Variants in TNNI3K observed in about 807,000 individuals in gnomAD.
The protein encoded by TNNI3K is TNNI3 interacting kinase.
In TNNI3K, 140 loss-of-function variants were observed where a neutral mutation model predicts 114.5. The observed-to-expected ratio is 1.22, with a 90% confidence interval of 1.07 to 1.41. The LOEUF (loss-of-function observed/expected upper bound fraction) is 1.41. Ranked by LOEUF, TNNI3K falls within the 40% of genes most tolerant of loss-of-function variation. The pLI is 0.00. For missense variants in TNNI3K, 1,125 were observed against 1,007.6 expected (o/e 1.12, Z -1.58); for synonymous variants, 347 against 347.5 (o/e 1.00, Z 0.02).
chr1:74,469,105 A>G (rs1667795360), intron 21 of TNNI3K: 1 of 152,498 alleles, frequency 6.6e-6, no homozygotes, highest in African/African-American at 2.4e-5. Context: ...AACAATTGGC[A>G]ATAAAGCTCA....
At chr1:74,380,108 CA>C (rs1331964209) in intron 17 of TNNI3K, among the ~76,000 whole-genome samples, 1 of 152,120 alleles carries the variant, frequency 6.6e-6, no homozygotes, top group Non-Finnish European at 1.5e-5. Context: ...CCATCTCTTA[CA>C]GTAGCTCCCA....
chr1:74,466,606 A>T (rs1667692686), intron 21 of TNNI3K, among the ~76,000 whole-genome samples: 1 of 152,226 alleles, frequency 6.6e-6, no homozygotes, highest in Admixed American at 6.5e-5. Context: ...TTAGGAAAGC[A>T]AAGTCTTCAG....
At chr1:74,383,957 G>C (rs1663338162) in intron 17 of TNNI3K, among the ~76,000 whole-genome samples, 1 of 151,958 alleles carries the variant, frequency 6.6e-6, no homozygotes, top group Non-Finnish European at 1.5e-5. Context: ...ACACACACTA[G>C]ATAGTTAGGT....
intron 20 of TNNI3K, among the ~76,000 whole-genome samples, chr1:74,455,315 C>T (rs1231785110): frequency 2.0e-5 from 3 of 152,064 alleles, no homozygotes; most frequent in South Asian, 2.1e-4. Flanking sequence ...GAAGATGATC[C>T]AGCAGAAAGC....
At chr1:74,470,382 C>A in intron 21 of TNNI3K, 1 of 400,638 alleles carries the variant, frequency 2.5e-6, no homozygotes. Flanking sequence ...TCTCTTCTTT[C>A]CCTACTATTT....
At chr1:74,283,288 G>T (rs548771723) in intron 5 of TNNI3K, among the ~76,000 whole-genome samples, 1 of 152,214 alleles carries the variant, frequency 6.6e-6, no homozygotes, top group Non-Finnish European at 1.5e-5. Flanking sequence ...CTTATTAAAG[G>T]TGAAAAAGCA....
intron 21 of TNNI3K, among the ~76,000 whole-genome samples, chr1:74,472,561 T>C (rs1667987545): frequency 6.6e-6 from 1 of 152,106 alleles, no homozygotes; most frequent in African/African-American, 2.4e-5. Flanking sequence ...CTGAATTCAT[T>C]TCCCATTTGC....
chr1:74,536,724 C>T (rs1038428669), intron 23 of TNNI3K, among the ~76,000 whole-genome samples: 2 of 152,020 alleles, frequency 1.3e-5, no homozygotes, highest in Non-Finnish European at 2.9e-5. Flanking sequence ...TGATATATAT[C>T]ATCATCTTTT....
intron 22 of TNNI3K, among the ~76,000 whole-genome samples, chr1:74,490,018 G>A (rs773363212): frequency 1.2e-4 from 15 of 126,360 alleles, no homozygotes; most frequent in African/African-American, 3.6e-4. Context: ...GTCTCAAAGT[G>A]GAACCATCAA....
chr1:74,363,759 G>A (rs1364463277), intron 11 of TNNI3K, among the ~76,000 whole-genome samples: 3 of 151,798 alleles, frequency 2.0e-5, no homozygotes, highest in African/African-American at 7.3e-5. Context: ...CCCAAGAAGT[G>A]TCTCCTAGGA....
At chr1:74,500,019 A>G (rs1482001750) in intron 23 of TNNI3K, among the ~76,000 whole-genome samples, 3 of 151,846 alleles carry the variant, frequency 2.0e-5, no homozygotes, top group Non-Finnish European at 4.4e-5. Flanking sequence ...CTATATTTCT[A>G]TTCTTTGGTG....
intron 11 of TNNI3K, among the ~76,000 whole-genome samples, chr1:74,359,863 T>C (rs1345358292): frequency 6.6e-6 from 1 of 151,932 alleles, no homozygotes; most frequent in Non-Finnish European, 1.5e-5. Context: ...AAGTCCAAAA[T>C]TGAACTTAAC....
intron 21 of TNNI3K, chr1:74,480,976 G>A: frequency 1.4e-6 from 1 of 699,326 alleles, no homozygotes; most frequent in Non-Finnish European, 2.7e-6. Flanking sequence ...CTGCTGTGGG[G>A]AAAAAAGCAC....
Position 74,236,215 on chromosome 1 carries a change from A to T in TNNI3K, c.149+5A>T, listed in dbSNP as rs761013097. ...AGAACTAAGGAATATATTTGGGTAA[A>T]GTTGTAAGAGTCATTATTTCTTTGT... On this transcript the variant is annotated splice_donor_5th_base_variant and intron_variant, in intron 2 of 24. Transcript: ENST00000326637. 1.3e-6 allele frequency: 2 copies of T among 1,597,232 alleles called. No homozygotes were observed. The highest frequency in any genetic ancestry group is 3.4e-5 in the Admixed American group (2 of 58,456).
At chr1:74,434,486 T>C (rs1011921551) in intron 17 of TNNI3K, among the ~76,000 whole-genome samples, 13 of 151,942 alleles carry the variant, frequency 8.6e-5, no homozygotes. Flanking sequence ...CATGATAAAG[T>C]CTCAGCACAT....
At chr1:74,347,189 C>G (rs1278513088) in intron 9 of TNNI3K, among the ~76,000 whole-genome samples, 2 of 132,130 alleles carry the variant, frequency 1.5e-5, no homozygotes, top group East Asian at 5.1e-4. Flanking sequence ...TGTGATGCTC[C>G]CCTTCGTGTG....
intron 5 of TNNI3K, among the ~76,000 whole-genome samples, chr1:74,308,480 T>C (rs1321851842): frequency 6.6e-6 from 1 of 152,132 alleles, no homozygotes; most frequent in African/African-American, 2.4e-5. Flanking sequence ...ACTCACACCA[T>C]ATCAAAACCT....
rs752516747 is a variant in TNNI3K at position 74,367,892 on chromosome 1, A to G, written c.1265-16A>G. ...TGATCGCTACTTTCAACTCTATTAT[A>G]TAATTTAATTTCTAGATGGCTCCTA... On this transcript the variant is annotated splice_polypyrimidine_tract_variant and intron_variant, in intron 12 of 24. Transcript: ENST00000326637. 1 of 1,566,804 alleles carries G rather than the reference A, an allele frequency of 6.4e-7. No individual in the cohort carries two copies. The highest frequency in any genetic ancestry group is 8.6e-7 in the Non-Finnish European group (1 of 1,162,876).
intron 20 of TNNI3K, among the ~76,000 whole-genome samples, chr1:74,462,532 T>G (rs905737004): frequency 6.6e-6 from 1 of 152,186 alleles, no homozygotes; most frequent in Non-Finnish European, 1.5e-5. Flanking sequence ...CAAACATTAG[T>G]TATATGTAAA....
Sources: gnomAD v4.1 joint callset for allele counts (sites outside exome capture counted in the v4.1 genomes callset) on GRCh38, gnomAD v4.1.1 for gene constraint, MANE v1.5 for transcripts, NCBI Gene and HGNC (gene_info 2026-07-23, HGNC 2026-07-21) for gene names.